Variants in DPY19L3 observed in about 807,000 individuals in gnomAD.
DPY19L3 encodes dpy-19 like C-mannosyltransferase 3.
DPY19L3 carries 51 observed loss-of-function variants against 92.3 expected under a neutral mutation model. The observed-to-expected ratio is 0.55, with a 90% CI of 0.44 to 0.70. The LOEUF (loss-of-function observed/expected upper bound fraction) is 0.70. Ranked by LOEUF, DPY19L3 falls within the 30% of genes least tolerant of loss-of-function variation. The pLI is 0.00. For synonymous variants in DPY19L3, 309 were observed against 315.2 expected, an observed-to-expected ratio of 0.98 and a Z score of 0.21; for missense variants, 706 against 855.9, an observed-to-expected ratio of 0.82 and a Z score of 2.18.
chr19:32,479,460 C>T (rs951793487), intron 17 of DPY19L3: 1 of 283,482 alleles, frequency 3.5e-6, no homozygotes, highest in Middle Eastern at 4.2e-4. Context: ...TTCATCAGGA[C>T]CCTGGAACCC....
chr19:32,416,244 A>C (rs1460000865), intron 3 of DPY19L3, among the ~76,000 whole-genome samples: 1 of 152,170 alleles, frequency 6.6e-6, no homozygotes, highest in Non-Finnish European at 1.5e-5. Flanking sequence ...AAGTCTGTTG[A>C]GAGAGAACAG....
chr19:32,476,205 T>C (rs1191306467), intron 16 of DPY19L3, among the ~76,000 whole-genome samples: 1 of 152,184 alleles, frequency 6.6e-6, no homozygotes, highest in Non-Finnish European at 1.5e-5. Context: ...ATGAATGTGA[T>C]GAGGCTTCTC....
In DPY19L3 at chr19:32,485,801, C is replaced by T. The variant is rs916630464; in HGVS notation, c.*3561C>T. 1.3e-5 allele frequency: 2 copies of T among 152,154 alleles called. No homozygotes were observed. The highest frequency in any genetic ancestry group is 4.8e-5 in the African/African-American group (2 of 41,428). 9.4% of individuals were successfully genotyped at this position (152,154 alleles called of 1,614,324 possible). A position where few individuals can be genotyped will look rare whatever the true frequency, so the allele number is the denominator to read the frequency against. ...GCAATTGATTTTCTGTTTTAACACC[C>T]TTTGGGTAAAATCTTGCAAAGAGCT... On this transcript the variant is annotated 3_prime_UTR_variant, in exon 19 of 19. Coordinates refer to ENST00000392250, the MANE Select transcript of DPY19L3 (RefSeq NM_001172774.2).
Position 32,406,653 on chromosome 19 carries a change from T to C in DPY19L3, c.-38+744T>C, listed in dbSNP as rs376784025. Among the ~76,000 whole-genome samples, 120 of 152,332 alleles carry C rather than the reference T, an allele frequency of 7.9e-4. 2 individuals are homozygous for C. In the South Asian group the frequency reaches 0.024, roughly 31 times the overall value. On this transcript the variant is annotated intron_variant, in intron 1 of 18. Coordinates refer to ENST00000392250, the MANE Select transcript of DPY19L3 (RefSeq NM_001172774.2). ...ATGAGCCGCCTCGCCCGGCTAGCGC[T>C]AGTCGTCCTTATTAATAAAGAATCG...
At chr19:32,428,645 C>G (rs911290924) in intron 3 of DPY19L3, among the ~76,000 whole-genome samples, 1 of 152,108 alleles carries the variant, frequency 6.6e-6, no homozygotes, top group Non-Finnish European at 1.5e-5. Flanking sequence ...TTGATGTTTC[C>G]TTTCCAAATT....
intron 3 of DPY19L3, among the ~76,000 whole-genome samples, chr19:32,424,885 T>TTCC (rs1968705204): frequency 6.6e-6 from 1 of 152,184 alleles, no homozygotes; most frequent in Non-Finnish European, 1.5e-5. Flanking sequence ...AGGATAGACA[T>TTCC]ATAAATCAAT....
chr19:32,457,396 G>A (rs992950748), intron 10 of DPY19L3, among the ~76,000 whole-genome samples: 15 of 152,104 alleles, frequency 9.9e-5, no homozygotes, highest in African/African-American at 3.1e-4. Flanking sequence ...ATTTGCTGCT[G>A]GAATGCAAAA....
chr19:32,419,522 G>A (rs1426051643), intron 3 of DPY19L3, among the ~76,000 whole-genome samples: 2 of 151,642 alleles, frequency 1.3e-5, no homozygotes, highest in Non-Finnish European at 2.9e-5. Context: ...GTGCAGTGGT[G>A]CAATCAAGGT....
chr19:32,430,613 C>CTTAT (rs371297513), intron 3 of DPY19L3, among the ~76,000 whole-genome samples: 46 of 151,760 alleles, frequency 3.0e-4, no homozygotes, highest in African/African-American at 7.5e-4. Context: ...ATGGTTCTTT[C>CTTAT]TTATTTATTT....
chr19:32,423,462 TC>T (rs139379011), intron 3 of DPY19L3, among the ~76,000 whole-genome samples: 29,812 of 142,698 alleles, frequency 0.21, 3,753 homozygotes, highest in Non-Finnish European at 0.29. Context: ...GTCAGGCTGT[TC>T]GAGACATGCC....
chr19:32,444,468 A>C (rs760100840), intron 8 of DPY19L3, among the ~76,000 whole-genome samples: 3 of 152,236 alleles, frequency 2.0e-5, no homozygotes, highest in Non-Finnish European at 4.4e-5. Context: ...CTGTGAGACT[A>C]TAATGAAAAG....
In DPY19L3 at chr19:32,439,907, G is replaced by C; in HGVS notation, c.852G>C (p.Val284=). ...ACTCCCTGGACATGCTGCCAGCAGT[G>C]AAGGTGAGCTTTGCTTTCTTTTCTC... ...TLDSLDMLPA[V]KATWLYGIQI... The change falls in exon 8 of 19, where the codon GTG becomes GTC. Residue 284 remains valine (V), a synonymous_variant. Transcript: ENST00000392250. 6.2e-7 allele frequency: 1 copy of C among 1,612,264 alleles called. No homozygotes were observed. Among genetic ancestry groups the C allele is most frequent in the East Asian group, 2.2e-5 (1 of 44,810 alleles).
chr19:32,442,535 G>T (rs753808599), intron 8 of DPY19L3, among the ~76,000 whole-genome samples: 5 of 152,154 alleles, frequency 3.3e-5, no homozygotes, highest in Non-Finnish European at 5.9e-5. Flanking sequence ...AGGAATTTGA[G>T]AGGTAGAGAG....
intron 3 of DPY19L3, among the ~76,000 whole-genome samples, chr19:32,418,663 G>A (rs1342006542): frequency 4.6e-5 from 7 of 152,104 alleles, no homozygotes; most frequent in Non-Finnish European, 1.0e-4. Context: ...CTATATTGGG[G>A]AATTATTTGA....
At chr19:32,440,550 A>G (rs1042757104) in intron 8 of DPY19L3, among the ~76,000 whole-genome samples, 6 of 152,234 alleles carry the variant, frequency 3.9e-5, no homozygotes, top group Non-Finnish European at 7.3e-5. Flanking sequence ...GCAGCAGCAT[A>G]GCCCAAGGAT....
At chr19:32,428,627 A>G (rs759522288) in intron 3 of DPY19L3, among the ~76,000 whole-genome samples, 1 of 152,164 alleles carries the variant, frequency 6.6e-6, no homozygotes, top group Non-Finnish European at 1.5e-5. Flanking sequence ...GATTTTTAAA[A>G]AGCTAATTTG....
intron 3 of DPY19L3, among the ~76,000 whole-genome samples, chr19:32,427,733 G>C (rs1317126476): frequency 6.6e-6 from 1 of 152,128 alleles, no homozygotes; most frequent in Non-Finnish European, 1.5e-5. Flanking sequence ...CCCTCTAACA[G>C]ATGGACATGA....
intron 3 of DPY19L3, among the ~76,000 whole-genome samples, chr19:32,421,643 A>G (rs966240296): frequency 5.0e-5 from 7 of 140,852 alleles, no homozygotes; most frequent in South Asian, 4.5e-4. Context: ...AAAAAAAAAA[A>G]AAAGAGAGAG....
rs117331453 is a variant in DPY19L3 at position 32,429,245 on chromosome 19, A to G, written c.238-3471A>G. 9.5e-3 allele frequency among the ~76,000 whole-genome samples: 1,443 copies of G among 152,308 alleles called. 16 individuals carry two copies. Among genetic ancestry groups the G allele is most frequent in the South Asian group, 0.027 (129 of 4,826 alleles). On this transcript the variant is annotated intron_variant, in intron 3 of 18. Coordinates refer to ENST00000392250, the MANE Select transcript of DPY19L3 (RefSeq NM_001172774.2). ...TCGTTCTGTCAACATTGCATTCCCC[A>G]TGGAACCTGTGCAAATTGAATATGA...
Sources: gnomAD v4.1 joint callset for allele counts (sites outside exome capture counted in the v4.1 genomes callset) on GRCh38, gnomAD v4.1.1 for gene constraint, MANE v1.5 for transcripts, NCBI Gene and HGNC (gene_info 2026-07-23, HGNC 2026-07-21) for gene names.